The following CDKN2B-AS1 variants were observed in gnomAD, a reference collection of about 807,000 sequenced individuals.
CDKN2B-AS1 encodes the protein CDKN2B and CDKN2A antisense cis and trans regulatory RNA 1, also known as CDKN2B antisense RNA 1 (non-protein coding).
chr9:22,100,497 C>A (rs759839077), intron 4 of CDKN2B-AS1, among the ~76,000 whole-genome samples: 2 of 152,036 alleles, frequency 1.3e-5, no homozygotes, highest in African/African-American at 4.8e-5. Flanking sequence ...TACTTCATTC[C>A]TTTTTATTTG....
intron 4 of CDKN2B-AS1, chr9:22,119,276 T>G (rs1309240991): frequency 6.6e-6 from 1 of 152,178 alleles, no homozygotes; most frequent in East Asian, 1.9e-4. Context: ...ATTTTGCTTA[T>G]TCAAGGCCAA....
intron 4 of CDKN2B-AS1, chr9:22,097,474 C>CTTTGTG (rs1825323299): frequency 6.6e-6 from 1 of 152,156 alleles, no homozygotes; most frequent in East Asian, 1.9e-4. Context: ...TTTTGCCAAA[C>CTTTGTG]CTTTGTGCTT....
At chr9:22,022,261 A>G (rs1198398308) in intron 1 of CDKN2B-AS1, among the ~76,000 whole-genome samples, 1 of 151,586 alleles carries the variant, frequency 6.6e-6, no homozygotes, top group Non-Finnish European at 1.5e-5. Flanking sequence ...GGGGTGTTAA[A>G]GTCTCCCACT....
chr9:22,002,346 A>G (rs942220757), intron 1 of CDKN2B-AS1, among the ~76,000 whole-genome samples: 3 of 152,054 alleles, frequency 2.0e-5, no homozygotes, highest in African/African-American at 7.2e-5. Flanking sequence ...CACTTTTGAT[A>G]GAGTGGCAAT....
intron 4 of CDKN2B-AS1, among the ~76,000 whole-genome samples, chr9:22,113,450 T>C (rs1348001377): frequency 1.3e-5 from 2 of 152,242 alleles, no homozygotes; most frequent in Admixed American, 6.5e-5. Flanking sequence ...GATAATCTTT[T>C]ACTTAAAGGT....
chr9:22,018,478 G>A (rs1200246911), intron 1 of CDKN2B-AS1, among the ~76,000 whole-genome samples: 3 of 151,844 alleles, frequency 2.0e-5, no homozygotes, highest in East Asian at 1.9e-4. Context: ...CCAACATGGC[G>A]AAACCCCGTC....
At chr9:22,024,652 T>A (rs1325082380) in intron 1 of CDKN2B-AS1, among the ~76,000 whole-genome samples, 1 of 152,106 alleles carries the variant, frequency 6.6e-6, no homozygotes, top group Non-Finnish European at 1.5e-5. Flanking sequence ...CTGTCTGCAA[T>A]GGTGGTTGAC....
At chr9:22,099,224 C>A (rs79331368) in intron 4 of CDKN2B-AS1, among the ~76,000 whole-genome samples, 1 of 152,058 alleles carries the variant, frequency 6.6e-6, no homozygotes, top group Non-Finnish European at 1.5e-5. Context: ...TAGCCAATAG[C>A]TGGGCACGTC....
chr9:22,006,259 A>T lies in CDKN2B-AS1; in HGVS notation n.29+11098A>T. The T allele has an allele frequency of 6.2e-7, 1 of 1,602,934 alleles. No homozygotes were observed. The highest frequency in any genetic ancestry group is 8.5e-7 in the Non-Finnish European group (1 of 1,179,880). On this transcript the variant is annotated intron_variant and non_coding_transcript_variant, in intron 1 of 4. Coordinates refer to ENST00000650946, the Ensembl canonical transcript of CDKN2B-AS1. This position sits in a 1 kb window ranked among gnomAD's most constrained non-coding sequence, Gnocchi z 6.4. ...CCCATCATCATGACCTGCCAGAGAGAGCAGAGTGGTCAGAGCCAGGGTGGG... is the reference window on the plus strand; with the variant it reads ...CCCATCATCATGACCTGCCAGAGAGTGCAGAGTGGTCAGAGCCAGGGTGGG...
intron 4 of CDKN2B-AS1, among the ~76,000 whole-genome samples, chr9:22,080,963 T>G (rs971612398): frequency 1.4e-4 from 21 of 152,358 alleles, no homozygotes; most frequent in African/African-American, 4.6e-4. Context: ...AAAAATATCA[T>G]AAAATGTCAG....
At chr9:22,007,022 T>C (rs562227591) in intron 1 of CDKN2B-AS1, among the ~76,000 whole-genome samples, 35 of 152,318 alleles carry the variant, frequency 2.3e-4, no homozygotes, top group Non-Finnish European at 1.3e-4. Context: ...GATTTTATAA[T>C]AGCTAAGATT....
rs964891735 is a variant in CDKN2B-AS1, at chr9:21,995,503, G to C, written n.29+342G>C. 1 of 152,546 alleles carries C rather than the reference G, an allele frequency of 6.6e-6. No individual in the cohort carries two copies. The highest frequency in any genetic ancestry group is 1.5e-5 in the Non-Finnish European group (1 of 68,290). 9.4% of individuals were successfully genotyped at this position (152,546 alleles called of 1,614,324 possible). A position where few individuals can be genotyped will look rare whatever the true frequency, so the allele number is the denominator to read the frequency against. ...CCTTGATCCCGCCGCCTGACTCCTCGGCGTACGTTCTCTCTCCGGTCTCCC... is the reference window on the plus strand; with the variant it reads ...CCTTGATCCCGCCGCCTGACTCCTCCGCGTACGTTCTCTCTCCGGTCTCCC... On this transcript the variant is annotated intron_variant and non_coding_transcript_variant, in intron 1 of 4. Transcript: ENST00000650946. This position sits in a 1 kb window ranked among gnomAD's most constrained non-coding sequence, Gnocchi z 5.7.
At chr9:22,087,296 G>A (rs1824896486) in intron 4 of CDKN2B-AS1, among the ~76,000 whole-genome samples, 1 of 152,180 alleles carries the variant, frequency 6.6e-6, no homozygotes, top group African/African-American at 2.4e-5. Flanking sequence ...TGGTGCTATG[G>A]AAGCCATCTT....
intron 1 of CDKN2B-AS1, among the ~76,000 whole-genome samples, chr9:22,008,521 C>T (rs1053838096): frequency 2.6e-5 from 4 of 152,136 alleles, no homozygotes; most frequent in African/African-American, 9.7e-5. Context: ...CTTTCCTTTT[C>T]TCCTTTTCTC....
In CDKN2B-AS1 at chr9:22,001,430, T is replaced by C. The variant is rs1295776809; in HGVS notation, n.29+6269T>C. Among the ~76,000 whole-genome samples, 2 of 152,156 alleles carry C rather than the reference T, an allele frequency of 1.3e-5. No homozygotes were observed. Among genetic ancestry groups the C allele is most frequent in the Non-Finnish European group, 2.9e-5 (2 of 67,974 alleles). On this transcript the variant is annotated intron_variant and non_coding_transcript_variant, in intron 1 of 4. Coordinates refer to ENST00000650946, the Ensembl canonical transcript of CDKN2B-AS1. This position sits in a 1 kb window ranked among gnomAD's most constrained non-coding sequence, Gnocchi z 4.2. ...TGAGGTAGTCAGTGTGTCATCTTAA[T>C]ACATTGTTCTTAGTTCTTTTTCCAG...
At chr9:22,110,458 A>G (rs927609903) in intron 4 of CDKN2B-AS1, among the ~76,000 whole-genome samples, 1 of 152,184 alleles carries the variant, frequency 6.6e-6, no homozygotes, top group Non-Finnish European at 1.5e-5. Flanking sequence ...ATGAAGATAC[A>G]GTACTTTTTG....
intron 4 of CDKN2B-AS1, among the ~76,000 whole-genome samples, chr9:22,122,420 T>C (rs1826121762): frequency 1.3e-5 from 2 of 152,160 alleles, no homozygotes; most frequent in Admixed American, 1.3e-4. Flanking sequence ...CATTTGTGTA[T>C]TTTGTTTGTG....
chr9:22,056,175 C>T (rs1020429207), intron 3 of CDKN2B-AS1: 2 of 147,922 alleles, frequency 1.4e-5, no homozygotes, highest in East Asian at 3.9e-4. Context: ...TTAGAGGCTC[C>T]TGCCACCACA....
Position 22,005,783 on chromosome 9 carries a change from G to C in CDKN2B-AS1, n.29+10622G>C. The C allele has an allele frequency of 4.6e-6, 3 of 648,528 alleles. No individual in the cohort carries two copies. Among genetic ancestry groups the C allele is most frequent in the Non-Finnish European group, 8.1e-6 (3 of 371,066 alleles). The allele number at this position is 648,528 out of a possible 1,614,324, so 40.2% of individuals were successfully genotyped here. ...TTCTCTGTGTTTCGCTTCATGGTGA[G>C]TGTCGAGGGCCAGATAAGACAAAGA... On this transcript the variant is annotated intron_variant and non_coding_transcript_variant, in intron 1 of 4. Transcript: ENST00000650946. The surrounding 1 kb of genome is among the most constrained non-coding windows in gnomAD (Gnocchi z 4.9).
Sources: allele counts gnomAD v4.1 joint callset (sites outside exome capture counted in the v4.1 genomes callset), GRCh38; gene constraint gnomAD v4.1.1; non-coding constraint Gnocchi (gnomAD v3.1); transcripts MANE v1.5; gene names NCBI Gene and HGNC (gene_info 2026-07-23, HGNC 2026-07-21).